CHST3: variants seen among roughly 807,000 people sequenced by gnomAD.
CHST3 encodes carbohydrate sulfotransferase 3.
CHST3 carries 20 observed loss-of-function variants against 35.4 expected under a neutral mutation model. That is an observed-to-expected ratio of 0.57 (90% CI 0.40 to 0.82). The LOEUF (loss-of-function observed/expected upper bound fraction) is 0.82. Among genes scored for constraint, CHST3 ranks in the 40% least tolerant of loss-of-function variants. The pLI, the probability that CHST3 is intolerant of heterozygous loss-of-function variation, is 0.00. For synonymous variants in CHST3, 334 were observed against 295.9 expected, an observed-to-expected ratio of 1.13 and a Z score of -1.32; for missense variants, 693 against 670.1, an observed-to-expected ratio of 1.03 and a Z score of -0.38.
At chr10:71,983,893 A>G (rs1296686915) in intron 1 of CHST3, among the ~76,000 whole-genome samples, 1 of 152,246 alleles carries the variant, frequency 6.6e-6, no homozygotes, top group African/African-American at 2.4e-5. Context: ...TACCCTCTCC[A>G]TAGCTCGTGC....
At chr10:72,004,675 C>T (rs749275681) in intron 1 of CHST3, among the ~76,000 whole-genome samples, 2 of 152,144 alleles carry the variant, frequency 1.3e-5, no homozygotes, top group Non-Finnish European at 1.5e-5. Context: ...TTCCTGCAGC[C>T]AGAGTCCATT....
chr10:71,983,703 G>A (rs575952118), intron 1 of CHST3, among the ~76,000 whole-genome samples: 271 of 152,072 alleles, frequency 1.8e-3, no homozygotes, highest in African/African-American at 6.3e-3. Flanking sequence ...CACCTGCCTC[G>A]GCCTCCCAAA....
chr10:72,006,447 G>T (rs1406490641), intron 2 of CHST3, among the ~76,000 whole-genome samples: 1 of 152,092 alleles, frequency 6.6e-6, no homozygotes, highest in African/African-American at 2.4e-5. Context: ...CCCTATAGAA[G>T]TCTTGATGTC....
In CHST3 at chr10:72,010,401, C is replaced by T. The variant is rs954888795; in HGVS notation, c.*1930C>T. ...ATTTTGGGTTGAGTAATATGGACACCATGGAAGTACAGGATCTGAGTCCAA... is the reference window on the plus strand; with the variant it reads ...ATTTTGGGTTGAGTAATATGGACACTATGGAAGTACAGGATCTGAGTCCAA... On this transcript the variant is annotated 3_prime_UTR_variant, in exon 3 of 3. Transcript: ENST00000373115. The T allele has an allele frequency of 1.3e-5, 2 of 152,170 alleles. No individual in the cohort carries two copies. Among genetic ancestry groups the T allele is most frequent in the African/African-American group, 4.8e-5 (2 of 41,418 alleles). The allele number at this position is 152,170 out of a possible 1,614,324, so 9.4% of individuals were successfully genotyped here.
chr10:71,972,565 G>A (rs1051697433), intron 1 of CHST3, among the ~76,000 whole-genome samples: 1 of 152,204 alleles, frequency 6.6e-6, no homozygotes, highest in African/African-American at 2.4e-5. Context: ...GCAGATGGCA[G>A]CGAGTGTGGT....
At position 71,964,556 on chromosome 10, in the gene CHST3, G is replaced by C. The variant is rs996416343; in HGVS notation, c.-246G>C. The C allele has an allele frequency of 6.6e-6, 1 of 152,078 alleles. No homozygotes were observed. Among genetic ancestry groups the C allele is most frequent in the Non-Finnish European group, 1.5e-5 (1 of 67,984 alleles). 9.4% of individuals were successfully genotyped at this position (152,078 alleles called of 1,614,324 possible). A position where few individuals can be genotyped will look rare whatever the true frequency, so the allele number is the denominator to read the frequency against. On this transcript the variant is annotated 5_prime_UTR_variant, in exon 1 of 3. Coordinates refer to ENST00000373115, the MANE Select transcript of CHST3 (RefSeq NM_004273.5). ...CCGCCCCGGAGAAGACGCACAGCTC[G>C]GGCCGCGCGGGCGCCGGGGCCGCGG...
intron 1 of CHST3, among the ~76,000 whole-genome samples, chr10:71,985,530 A>T (rs761361853): frequency 3.9e-5 from 6 of 152,212 alleles, no homozygotes; most frequent in Non-Finnish European, 5.9e-5. Flanking sequence ...GTTGAGGTCC[A>T]GTTTGAACCC....
At chr10:71,980,014 C>T (rs567029085) in intron 1 of CHST3, among the ~76,000 whole-genome samples, 37 of 152,130 alleles carry the variant, frequency 2.4e-4, no homozygotes, top group Non-Finnish European at 4.6e-4. Context: ...CCCTTCTGTC[C>T]GCTGCCTACA....
intron 1 of CHST3, among the ~76,000 whole-genome samples, chr10:71,999,097 A>G (rs1046998175): frequency 6.6e-6 from 1 of 152,186 alleles, no homozygotes; most frequent in Non-Finnish European, 1.5e-5. Flanking sequence ...CCCAAGTGAA[A>G]CGGAATCTGG....
chr10:71,999,729 A>G (rs1306971921), intron 1 of CHST3, among the ~76,000 whole-genome samples: 1 of 152,196 alleles, frequency 6.6e-6, no homozygotes, highest in African/African-American at 2.4e-5. Context: ...GCCTGGTTGG[A>G]GGCCATCCAA....
At chr10:71,994,072 C>A (rs1330345415) in intron 1 of CHST3, among the ~76,000 whole-genome samples, 1 of 152,072 alleles carries the variant, frequency 6.6e-6, no homozygotes, top group Non-Finnish European at 1.5e-5. Flanking sequence ...TATACTCCAG[C>A]CTGGGTGACA....
chr10:71,980,616 A>G (rs1187714964), intron 1 of CHST3, among the ~76,000 whole-genome samples: 1 of 152,178 alleles, frequency 6.6e-6, no homozygotes, highest in Non-Finnish European at 1.5e-5. Context: ...GTTCTGAGTC[A>G]TTAGTTCTGG....
chr10:71,999,656 A>G (rs1839973588), intron 1 of CHST3, among the ~76,000 whole-genome samples: 1 of 151,400 alleles, frequency 6.6e-6, no homozygotes, highest in East Asian at 1.9e-4. Flanking sequence ...ACTTGCTGGG[A>G]CCCCCACCTT....
chr10:72,008,622 GC>G lies in CHST3; in HGVS notation c.*155del. The G allele has an allele frequency of 7.1e-7, 1 of 1,412,102 alleles. No individual in the cohort carries two copies. The highest frequency in any genetic ancestry group is 1.5e-5 in the South Asian group (1 of 65,750). 87.5% of individuals were successfully genotyped at this position (1,412,102 alleles called of 1,614,324 possible). On this transcript the variant is annotated 3_prime_UTR_variant, in exon 3 of 3. Transcript: ENST00000373115. ...AGCCAGCGCTCCAGCCAAAGCGGCG[GC>G]CCCAGGGTTAATTGCGGAGAACAGG...
At chr10:71,982,071 G>A (rs1041826061) in intron 1 of CHST3, among the ~76,000 whole-genome samples, 3 of 152,228 alleles carry the variant, frequency 2.0e-5, no homozygotes, top group South Asian at 2.1e-4. Flanking sequence ...AGATGTCCAC[G>A]TATGAGCCAC....
intron 1 of CHST3, among the ~76,000 whole-genome samples, chr10:71,969,949 C>T (rs55942352): frequency 0.28 from 41,850 of 152,150 alleles, 6,146 homozygotes; most frequent in Non-Finnish European, 0.33. Context: ...CCTTTTCATT[C>T]GTTAAACAGA....
chr10:72,008,376 C>G lies in CHST3; in HGVS notation c.1345C>G (p.Arg449Gly), dbSNP rs1206175194. Residue 449 changes from arginine to glycine, a missense_variant, in exon 3 of 3, where the codon CGC becomes GGC. Transcript: ENST00000373115. ...GCAGGCCGCCTGCGGCCCTGCCATG[C>G]GCCTCTTCGGCTACAAACTGGCGCG... ...VVQAACGPAM[R>G]LFGYKLARDA... is the part of the protein sequence containing the mutation. 1.3e-6 allele frequency: 2 copies of G among 1,567,658 alleles called. No homozygotes were observed. Among genetic ancestry groups the G allele is most frequent in the East Asian group, 2.4e-5 (1 of 42,424 alleles).
chr10:71,991,423 G>A (rs1352716787), intron 1 of CHST3, among the ~76,000 whole-genome samples: 1 of 152,040 alleles, frequency 6.6e-6, no homozygotes, highest in Non-Finnish European at 1.5e-5. Flanking sequence ...TATTCATAGG[G>A]GATTATGTTC....
intron 1 of CHST3, among the ~76,000 whole-genome samples, chr10:71,991,733 GACC>G (rs1380203869): frequency 6.6e-6 from 1 of 152,102 alleles, no homozygotes; most frequent in Non-Finnish European, 1.5e-5. Flanking sequence ...AGGAGTTCGA[GACC>G]ACCCTGGCCA....
Sources: gnomAD v4.1 joint callset for allele counts (sites outside exome capture counted in the v4.1 genomes callset) on GRCh38, gnomAD v4.1.1 for gene constraint, MANE v1.5 for transcripts, NCBI Gene and HGNC (gene_info 2026-07-23, HGNC 2026-07-21) for gene names.